Variants in GSG1L observed in about 807,000 individuals in gnomAD.
GSG1L encodes GSG1 like, also known as germ cell-specific gene 1-like protein.
GSG1L carries 24 observed loss-of-function variants against 42.1 expected under a neutral mutation model. The observed-to-expected ratio is 0.57, with a 90% CI of 0.41 to 0.80. GSG1L has a LOEUF of 0.80. Among genes scored for constraint, GSG1L ranks in the 30% least tolerant of loss-of-function variants. The probability of loss-of-function intolerance (pLI) is 0.00; values close to 1 mark genes in which losing one functional copy is unlikely to be tolerated. For synonymous variants in GSG1L, 215 were observed against 203.5 expected (o/e 1.06, Z -0.48); for missense variants, 445 against 472.2 (o/e 0.94, Z 0.53).
At chr16:27,833,715 T>A (rs1487773507) in intron 4 of GSG1L, among the ~76,000 whole-genome samples, 1 of 152,120 alleles carries the variant, frequency 6.6e-6, no homozygotes, top group African/African-American at 2.4e-5. Flanking sequence ...ATAAATGATA[T>A]ATATTTTTAA....
chr16:27,921,361 G>A (rs1242815452), intron 2 of GSG1L, among the ~76,000 whole-genome samples: 2 of 152,146 alleles, frequency 1.3e-5, no homozygotes, highest in Non-Finnish European at 2.9e-5. Flanking sequence ...CCAGCACCAC[G>A]GCCAGTGTCT....
intron 2 of GSG1L, among the ~76,000 whole-genome samples, chr16:27,915,731 A>G (rs927930959): frequency 6.6e-6 from 1 of 152,170 alleles, no homozygotes; most frequent in African/African-American, 2.4e-5. Flanking sequence ...AGCTATGACT[A>G]TGCCTTTGAA....
At chr16:27,962,812 C>T (rs1311745619) in intron 2 of GSG1L, among the ~76,000 whole-genome samples, 11 of 152,206 alleles carry the variant, frequency 7.2e-5, no homozygotes, top group Non-Finnish European at 4.4e-5. Context: ...TCAAATCCTA[C>T]AGCTGGAGGC....
At chr16:27,975,794 T>A (rs548458408) in intron 1 of GSG1L, among the ~76,000 whole-genome samples, 1 of 152,218 alleles carries the variant, frequency 6.6e-6, no homozygotes, top group Admixed American at 6.5e-5. Context: ...CACAGTTGTA[T>A]CCCATCAACA....
At position 28,063,484 on chromosome 16, in the gene GSG1L, A is replaced by G. The variant is rs2086370368; in HGVS notation, c.-60T>C. 3 of 1,064,572 alleles carry G rather than the reference A, an allele frequency of 2.8e-6. No individual in the cohort carries two copies. The highest frequency in any genetic ancestry group is 3.5e-6 in the Non-Finnish European group (3 of 864,734). The allele number at this position is 1,064,572 out of a possible 1,614,324, so 65.9% of individuals were successfully genotyped here. On this transcript the variant is annotated 5_prime_UTR_variant, in exon 1 of 7. Coordinates refer to ENST00000447459, the MANE Select transcript of GSG1L (RefSeq NM_001109763.2). The surrounding 1 kb of genome is among the most constrained non-coding windows in gnomAD (Gnocchi z 5.8). ...GGGGAGCTCCGCGCGCGAAGTTGGC[A>G]GCTGGCGCCCCGCGTCAGCGGCCGC...
intron 1 of GSG1L, among the ~76,000 whole-genome samples, chr16:28,030,749 A>C (rs28504291): frequency 2.1e-5 from 2 of 95,852 alleles, no homozygotes; most frequent in East Asian, 7.7e-4. Context: ...GGGATGGGTT[A>C]GGATGGAATG....
At chr16:27,926,106 AAG>A (rs1378100195) in intron 2 of GSG1L, among the ~76,000 whole-genome samples, 1 of 152,244 alleles carries the variant, frequency 6.6e-6, no homozygotes, top group Non-Finnish European at 1.5e-5. Context: ...AGATAGGAAA[AAG>A]GAGTGACAAA....
chr16:27,797,220 G>T (rs1214522055), intron 6 of GSG1L, among the ~76,000 whole-genome samples: 1 of 152,130 alleles, frequency 6.6e-6, no homozygotes, highest in Non-Finnish European at 1.5e-5. Flanking sequence ...AAACTATGCA[G>T]CCATTAAAAA....
chr16:27,964,502 A>C (rs1257647610), intron 1 of GSG1L, among the ~76,000 whole-genome samples: 1 of 152,220 alleles, frequency 6.6e-6, no homozygotes, highest in Non-Finnish European at 1.5e-5. Flanking sequence ...TAGCAGCACT[A>C]TCCAAGATTT....
chr16:28,062,116 G>A (rs1186499754), intron 1 of GSG1L, among the ~76,000 whole-genome samples: 1 of 152,148 alleles, frequency 6.6e-6, no homozygotes, highest in Admixed American at 6.5e-5. Context: ...TCACTCAGGA[G>A]GGTGTCCATG....
chr16:27,823,195 C>T (rs977296048), intron 5 of GSG1L, among the ~76,000 whole-genome samples: 2 of 152,070 alleles, frequency 1.3e-5, no homozygotes, highest in African/African-American at 2.4e-5. Flanking sequence ...GGCAGGGTGA[C>T]GCTGGGAGGG....
intron 5 of GSG1L, among the ~76,000 whole-genome samples, chr16:27,818,138 T>A (rs542188098): frequency 6.6e-6 from 1 of 152,324 alleles, no homozygotes; most frequent in African/African-American, 2.4e-5. Flanking sequence ...CAGCCCAGGC[T>A]TCCCATCCTC....
chr16:28,051,987 G>C (rs1310173364), intron 1 of GSG1L, among the ~76,000 whole-genome samples: 2 of 152,164 alleles, frequency 1.3e-5, no homozygotes, highest in Non-Finnish European at 2.9e-5. Flanking sequence ...TCAGACCAGG[G>C]GGGCGGAGGA....
intron 1 of GSG1L, among the ~76,000 whole-genome samples, chr16:28,011,025 TC>T (rs1253518637): frequency 2.6e-5 from 4 of 152,132 alleles, no homozygotes; most frequent in Admixed American, 2.0e-4. Flanking sequence ...CAGGCTGCAC[TC>T]CTTGGATGCC....
chr16:28,037,621 G>C lies in GSG1L; in HGVS notation c.349+25455C>G, dbSNP rs761971120. Among the ~76,000 whole-genome samples the C allele has an allele frequency of 5.9e-5, 9 of 152,128 alleles. No individual in the cohort carries two copies. The East Asian group carries it at 1.5e-3, about 26-fold the overall frequency. ...TTTGGGGAAACCACTTTTCACTGTT[G>C]ATACAAAATAACAATAACAACAATA... On this transcript the variant is annotated intron_variant, in intron 1 of 6. Coordinates refer to ENST00000447459, the MANE Select transcript of GSG1L (RefSeq NM_001109763.2).
chr16:27,914,683 C>A (rs1031337742), intron 2 of GSG1L, among the ~76,000 whole-genome samples: 3 of 152,012 alleles, frequency 2.0e-5, no homozygotes, highest in African/African-American at 7.2e-5. Context: ...ACCACCATGC[C>A]TGGATAATTT....
At chr16:27,926,114 A>G (rs1400902697) in intron 2 of GSG1L, among the ~76,000 whole-genome samples, 1 of 152,348 alleles carries the variant, frequency 6.6e-6, no homozygotes, top group African/African-American at 2.4e-5. Flanking sequence ...AAAAGGAGTG[A>G]CAAAGCCTTC....
At chr16:27,978,503 C>T (rs2085275575) in intron 1 of GSG1L, among the ~76,000 whole-genome samples, 1 of 151,924 alleles carries the variant, frequency 6.6e-6, no homozygotes, top group Non-Finnish European at 1.5e-5. Flanking sequence ...CCAGCCTGGC[C>T]AACATAGCAA....
intron 3 of GSG1L, among the ~76,000 whole-genome samples, chr16:27,858,384 G>A (rs1462871013): frequency 2.6e-5 from 4 of 152,252 alleles, no homozygotes; most frequent in African/African-American, 9.6e-5. Flanking sequence ...AGAGTGTAAA[G>A]CTCATAGAGG....
Sources: allele counts gnomAD v4.1 joint callset (sites outside exome capture counted in the v4.1 genomes callset), GRCh38; gene constraint gnomAD v4.1.1; non-coding constraint Gnocchi (gnomAD v3.1); transcripts MANE v1.5; gene names NCBI Gene and HGNC (gene_info 2026-07-23, HGNC 2026-07-21).